The following PCDHGA6 variants were observed in gnomAD, a reference collection of about 807,000 sequenced individuals.
PCDHGA6 encodes the protein protocadherin gamma subfamily A, 6, also known as protocadherin gamma-A6.
In PCDHGA6, 41 loss-of-function variants were observed where a neutral mutation model predicts 60.6. The observed-to-expected ratio is 0.68, with a 90% CI of 0.53 to 0.88. The LOEUF is 0.88. Among genes scored for constraint, PCDHGA6 ranks in the 40% least tolerant of loss-of-function variants. The pLI, the probability that PCDHGA6 is intolerant of heterozygous loss-of-function variation, is 0.00. For synonymous variants in PCDHGA6, 594 were observed against 524.4 expected, an observed-to-expected ratio of 1.13 and a Z score of -1.81; for missense variants, 1,312 against 1,203.0, an observed-to-expected ratio of 1.09 and a Z score of -1.34.
intron 1 of PCDHGA6, chr5:141,389,555 G>A (rs755878042): frequency 1.2e-5 from 20 of 1,613,076 alleles, no homozygotes; most frequent in East Asian, 6.7e-5. Flanking sequence ...ACGACAATGC[G>A]CCACGGGTGC....
intron 1 of PCDHGA6, among the ~76,000 whole-genome samples, chr5:141,444,152 ATTTTTTTTTTTTTTT>A (rs747671382): frequency 3.8e-4 from 13 of 33,894 alleles, no homozygotes; most frequent in East Asian, 1.0e-3. Context: ...TGTGTACTGG[ATTTTTTTTTTTTTTT>A]TTTTTTTTTT....
chr5:141,476,584 C>T lies in PCDHGA6; in HGVS notation c.2425-18223C>T. 6.2e-7 allele frequency: 1 copy of T among 1,614,218 alleles called. No individual in the cohort carries two copies. The highest frequency in any genetic ancestry group is 8.5e-7 in the Non-Finnish European group (1 of 1,180,042). ...TGGCTCCGGGGACGCGCTTTCCGCTCGAGAGCGCGCACGATCCCGATGTGG... is the reference window on the plus strand; with the variant it reads ...TGGCTCCGGGGACGCGCTTTCCGCTTGAGAGCGCGCACGATCCCGATGTGG... On this transcript the variant is annotated intron_variant, in intron 1 of 3. Coordinates refer to ENST00000517434, the MANE Select transcript of PCDHGA6 (RefSeq NM_018919.3). The surrounding 1 kb of genome is among the most constrained non-coding windows in gnomAD (Gnocchi z 7.6).
Position 141,489,090 on chromosome 5 carries a change from C to CAAA in PCDHGA6, c.2425-5717_2425-5716insAAA. ...CCTGCCCACCCCCGCCACTCGGTGA[C>CAAA]TAAGAACTGCTGCAAGCAGGCAAAC... is the stretch of plus-strand genomic sequence containing the variant. On this transcript the variant is annotated intron_variant, in intron 1 of 3. Transcript: ENST00000517434. The surrounding 1 kb of genome is among the most constrained non-coding windows in gnomAD (Gnocchi z 4.5). 7 of 328,768 alleles carry CAAA rather than the reference C, an allele frequency of 2.1e-5. No homozygotes were observed. The highest frequency in any genetic ancestry group is 6.1e-5 in the Admixed American group (1 of 16,494). The allele number at this position is 328,768 out of a possible 1,614,324, so 20.4% of individuals were successfully genotyped here. A position where few individuals can be genotyped will look rare whatever the true frequency, so the allele number is the denominator to read the frequency against.
At chr5:141,438,487 G>T (rs1030201971) in intron 1 of PCDHGA6, among the ~76,000 whole-genome samples, 9 of 150,284 alleles carry the variant, frequency 6.0e-5, no homozygotes, top group African/African-American at 2.2e-4. Flanking sequence ...GTCTCTTGGA[G>T]AAAAAAGAAT....
At position 141,421,262 on chromosome 5, in the gene PCDHGA6, G is replaced by GGCT. The variant is rs748368476; in HGVS notation, c.2424+44769_2424+44771dup. 2.6e-5 allele frequency: 42 copies of GGCT among 1,609,594 alleles called. No homozygotes were observed. The Admixed American group carries it at 3.2e-4, about 12-fold the overall frequency. On this transcript the variant is annotated intron_variant, in intron 1 of 3. Coordinates refer to ENST00000517434, the MANE Select transcript of PCDHGA6 (RefSeq NM_018919.3). ...CGGCTACAGCGCGGGGACCGCAGTC[G>GGCT]GCTGCTGCTGCTGCTGTGCATTTTC...
chr5:141,403,080 A>G, intron 1 of PCDHGA6: 2 of 1,614,078 alleles, frequency 1.2e-6, no homozygotes, highest in Non-Finnish European at 1.7e-6. Flanking sequence ...GAAAAGGGCT[A>G]TATTGTGGGC....
intron 1 of PCDHGA6, chr5:141,394,876 G>T: frequency 1.2e-6 from 2 of 1,613,866 alleles, no homozygotes; most frequent in Middle Eastern, 1.6e-4. Flanking sequence ...AACGATTCGA[G>T]CCTTACACTC....
At position 141,489,049 on chromosome 5, in the gene PCDHGA6, T is replaced by G; in HGVS notation, c.2425-5758T>G. 2.1e-6 allele frequency: 1 copy of G among 477,660 alleles called. No homozygotes were observed. Among genetic ancestry groups the G allele is most frequent in the Non-Finnish European group, 3.7e-6 (1 of 272,910 alleles). 29.6% of individuals were successfully genotyped at this position (477,660 alleles called of 1,614,324 possible). On this transcript the variant is annotated intron_variant, in intron 1 of 3. Transcript: ENST00000517434. The surrounding 1 kb of genome is among the most constrained non-coding windows in gnomAD (Gnocchi z 4.5). ...CTCCAGCTCCCCAGCTCCACTCAAA[T>G]TCAGCTCCCCTCCCCCCTGCCCACC... is the stretch of plus-strand genomic sequence containing the variant.
rs2092149511 is a variant in PCDHGA6 at position 141,390,449 on chromosome 5, G to A, written c.2424+13942G>A. The A allele has an allele frequency of 4.8e-6, 4 of 829,790 alleles. No individual in the cohort carries two copies. In the Admixed American group the frequency reaches 8.7e-5, roughly 18 times the overall value. 51.4% of individuals were successfully genotyped at this position (829,790 alleles called of 1,614,324 possible). ...TGTCATATCATTCTACAAAGGAGGAGTAAAGTAGGAGCAATTGTGTGGCCC... is the reference window on the plus strand; with the variant it reads ...TGTCATATCATTCTACAAAGGAGGAATAAAGTAGGAGCAATTGTGTGGCCC... On this transcript the variant is annotated intron_variant, in intron 1 of 3. Coordinates refer to ENST00000517434, the MANE Select transcript of PCDHGA6 (RefSeq NM_018919.3).
In PCDHGA6 at chr5:141,486,444, T is replaced by C. The variant is rs769032995; in HGVS notation, c.2425-8363T>C. 2 of 1,614,086 alleles carry C rather than the reference T, an allele frequency of 1.2e-6. No individual in the cohort carries two copies. On this transcript the variant is annotated intron_variant, in intron 1 of 3. Transcript: ENST00000517434. This position sits in a 1 kb window ranked among gnomAD's most constrained non-coding sequence, Gnocchi z 5.0. ...GAGGCCAAATCTAGCTATGACATCA[T>C]GGTCACTGCTTCTGATGCTGGGAAC...
intron 3 of PCDHGA6, among the ~76,000 whole-genome samples, chr5:141,508,439 T>C (rs1037512760): frequency 1.3e-5 from 2 of 152,188 alleles, no homozygotes; most frequent in African/African-American, 4.8e-5. Flanking sequence ...ACACAGTTCC[T>C]TAGTGGCAGA....
In PCDHGA6 at chr5:141,511,925, G is replaced by C. The variant is rs2099884008; in HGVS notation, c.*752G>C. 1 of 155,320 alleles carries C rather than the reference G, an allele frequency of 6.4e-6. No homozygotes were observed. Among genetic ancestry groups the C allele is most frequent in the Admixed American group, 6.3e-5 (1 of 15,924 alleles). 9.6% of individuals were successfully genotyped at this position (155,320 alleles called of 1,614,324 possible). A position where few individuals can be genotyped will look rare whatever the true frequency, so the allele number is the denominator to read the frequency against. ...CCTCAAACAAGAGACTCCACTGCAT[G>C]TTCCAAGACAGTATGGGGTGGTAAG... On this transcript the variant is annotated 3_prime_UTR_variant, in exon 4 of 4. Coordinates refer to ENST00000517434, the MANE Select transcript of PCDHGA6 (RefSeq NM_018919.3).
chr5:141,392,280 G>A (rs1299678398), intron 1 of PCDHGA6: 3 of 152,190 alleles, frequency 2.0e-5, no homozygotes, highest in African/African-American at 7.2e-5. Context: ...AAAGCTTAGA[G>A]CACAATGGGA....
rs767397479 is a variant in PCDHGA6 at position 141,430,717 on chromosome 5, T to C, written c.2424+54210T>C. On this transcript the variant is annotated intron_variant, in intron 1 of 3. Transcript: ENST00000517434. ...GCGAAGGAACTGCTCCTGACTTCAG[T>C]GGTTAAGGGCAGAATTGAAAATAAT... is the stretch of plus-strand genomic sequence containing the variant. The C allele has an allele frequency of 8.1e-6, 12 of 1,475,446 alleles. No individual in the cohort carries two copies. The East Asian group carries it at 2.4e-4, about 29-fold the overall frequency. 91.4% of individuals were successfully genotyped at this position (1,475,446 alleles called of 1,614,324 possible). A position where few individuals can be genotyped will look rare whatever the true frequency, so the allele number is the denominator to read the frequency against.
intron 1 of PCDHGA6, chr5:141,420,929 G>A (rs1321290902): frequency 1.4e-5 from 5 of 362,196 alleles, no homozygotes; most frequent in Non-Finnish European, 2.5e-5. Flanking sequence ...AAAGGTGAGC[G>A]TAATCATTTC....
intron 1 of PCDHGA6, among the ~76,000 whole-genome samples, chr5:141,475,511 A>T (rs1240718716): frequency 6.6e-6 from 1 of 152,240 alleles, no homozygotes; most frequent in African/African-American, 2.4e-5. Context: ...TAATGTCTCC[A>T]CGGAAATGCT....
intron 1 of PCDHGA6, chr5:141,390,339 C>T: frequency 6.3e-7 from 1 of 1,591,234 alleles, no homozygotes; most frequent in Non-Finnish European, 8.6e-7. Flanking sequence ...TCCATATTCA[C>T]AAGAAAATAT....
intron 1 of PCDHGA6, among the ~76,000 whole-genome samples, chr5:141,479,798 G>C (rs892288776): frequency 6.6e-6 from 1 of 152,234 alleles, no homozygotes; most frequent in East Asian, 1.9e-4. Context: ...ATTAATTCAG[G>C]GTGGTATGCA....
chr5:141,454,998 G>C (rs909142112), intron 1 of PCDHGA6, among the ~76,000 whole-genome samples: 27 of 151,220 alleles, frequency 1.8e-4, no homozygotes, highest in African/African-American at 5.8e-4. Context: ...ATTTTTAGTA[G>C]AGACGGGGTT....
Sources: allele counts gnomAD v4.1 joint callset (sites outside exome capture counted in the v4.1 genomes callset), GRCh38; gene constraint gnomAD v4.1.1; non-coding constraint Gnocchi (gnomAD v3.1); transcripts MANE v1.5; gene names NCBI Gene and HGNC (gene_info 2026-07-23, HGNC 2026-07-21).